RAET1E: variants seen among roughly 807,000 people sequenced by gnomAD.
RAET1E encodes the protein retinoic acid early transcript 1E, also known as NKG2D ligand 4.
A neutral mutation model predicts 21.1 loss-of-function variants in RAET1E; 27 were observed. That is an observed-to-expected ratio of 1.28 (90% CI 0.94 to 1.76). The LOEUF (loss-of-function observed/expected upper bound fraction) is 1.76, where lower values mean the gene tolerates loss of function less well. Among genes scored for constraint, RAET1E ranks in the 40% most tolerant of loss-of-function variants. The probability of loss-of-function intolerance (pLI) is 0.00; values close to 1 mark genes in which losing one functional copy is unlikely to be tolerated. For missense variants in RAET1E, 310 were observed against 311.3 expected (o/e 1.00, Z 0.03); for synonymous variants, 113 against 115.0 (o/e 0.98, Z 0.11).
At position 149,888,107 on chromosome 6, in the gene RAET1E, C is replaced by T. The variant is rs900622994; in HGVS notation, c.*391G>A. The T allele has an allele frequency of 2.1e-6, 1 of 478,638 alleles. No homozygotes were observed. The highest frequency in any genetic ancestry group is 4.1e-6 in the Non-Finnish European group (1 of 242,480). The allele number at this position is 478,638 out of a possible 1,614,324, so 29.6% of individuals were successfully genotyped here. On this transcript the variant is annotated 3_prime_UTR_variant, in exon 6 of 6. Coordinates refer to ENST00000357183, the MANE Select transcript of RAET1E (RefSeq NM_001394057.1). The stretch of plus-strand genomic sequence containing the variant: ...GGTGAAAGGATTTCTTATACCACAT[C>T]TTGTATGTTATCTGGGAGTAAATGC...
In RAET1E at chr6:149,889,503, G is replaced by A. The variant is rs781252773; in HGVS notation, c.467C>T (p.Thr156Ile). 6.2e-7 allele frequency: 1 copy of A among 1,614,138 alleles called. No homozygotes were observed. Among genetic ancestry groups the A allele is most frequent in the Non-Finnish European group, 8.5e-7 (1 of 1,180,040 alleles). Residue 156 changes from threonine to isoleucine, a missense_variant, in exon 5 of 6, where the codon ACC becomes ATC. Physicochemically the swap from Thr to Ile is moderately conservative, Grantham distance 89. Coordinates refer to ENST00000357183, the MANE Select transcript of RAET1E (RefSeq NM_001394057.1). ...KSLLFDAMNM[T>I]WTVINHEASK... ...GGCTTCATGATTAATTACTGTCCAG[G>A]TCATGTTCATTGCGTCAAAGAGGAG...
chr6:149,888,460 T>A lies in RAET1E; in HGVS notation c.*38A>T. 1 of 1,600,248 alleles carries A rather than the reference T, an allele frequency of 6.2e-7. No homozygotes were observed. The highest frequency in any genetic ancestry group is 1.1e-5 in the South Asian group (1 of 90,258). On this transcript the variant is annotated 3_prime_UTR_variant, in exon 6 of 6. Transcript: ENST00000357183. ...ATGGATCAGGGAGCGGGGGCTTGGA[T>A]GAGACCCATGATTCACCTCTCTTGA...
chr6:149,890,376 T>G (rs1346728963), intron 3 of RAET1E, among the ~76,000 whole-genome samples: 3 of 152,104 alleles, frequency 2.0e-5, no homozygotes, highest in Non-Finnish European at 2.9e-5. Flanking sequence ...TTAATGGTGT[T>G]AACAGGAGGA....
rs1778099194 is a variant in RAET1E, at chr6:149,895,982, T to C, written c.-270A>G. On this transcript the variant is annotated 5_prime_UTR_variant, in exon 2 of 6. Transcript: ENST00000357183. ...GAGAGCAGAGACAGACAGCAAGCTCTCCTATCACTTCTTAATCCCACATGG... is the reference window on the plus strand; with the variant it reads ...GAGAGCAGAGACAGACAGCAAGCTCCCCTATCACTTCTTAATCCCACATGG... 1 of 152,252 alleles carries C rather than the reference T, an allele frequency of 6.6e-6. No homozygotes were observed. Among genetic ancestry groups the C allele is most frequent in the East Asian group, 1.9e-4 (1 of 5,196 alleles). 9.4% of individuals were successfully genotyped at this position (152,252 alleles called of 1,614,324 possible).
chr6:149,894,177 T>G (rs1424354897), intron 2 of RAET1E, among the ~76,000 whole-genome samples: 1 of 152,190 alleles, frequency 6.6e-6, no homozygotes, highest in Non-Finnish European at 1.5e-5. Context: ...TCTGCCAGGT[T>G]TTGGTATCAG....
At chr6:149,890,220 G>A in intron 3 of RAET1E, 75 bp from the exon 4 acceptor site, 2 of 1,525,652 alleles carry the variant, frequency 1.3e-6, no homozygotes, top group Non-Finnish European at 1.8e-6. Context: ...TGTGACCCAA[G>A]ACTCCCTGGA....
At chr6:149,891,655 G>T (rs1426333730) in intron 2 of RAET1E, among the ~76,000 whole-genome samples, 1 of 152,154 alleles carries the variant, frequency 6.6e-6, no homozygotes, top group Non-Finnish European at 1.5e-5. Context: ...GGGAGGATGA[G>T]GCAGGAGGAT....
intron 1 of RAET1E, 183 bp from the exon 2 acceptor site, chr6:149,896,215 T>A (rs1057231245): frequency 1.3e-5 from 2 of 152,218 alleles, no homozygotes; most frequent in African/African-American, 4.8e-5. Context: ...ACTCAGATGC[T>A]AGGGCCCTTA....
rs145671691 is a variant in RAET1E at position 149,892,624 on chromosome 6, G to A, written c.-133-1590C>T. ...ATATTAGCCCCTTGTCAGATGGATA[G>A]ATTGCAAAAATCTTCTCCCATTCTG... On this transcript the variant is annotated intron_variant, in intron 2 of 5. Coordinates refer to ENST00000357183, the MANE Select transcript of RAET1E (RefSeq NM_001394057.1). 1.7e-3 allele frequency among the ~76,000 whole-genome samples: 254 copies of A among 152,282 alleles called. 1 individual carries two copies. The highest frequency in any genetic ancestry group is 6.0e-3 in the African/African-American group (249 of 41,554).
Position 149,885,645 on chromosome 6 carries a change from A to G in RAET1E, c.*2853T>C, listed in dbSNP as rs9397420. The G allele has an allele frequency of 0.44, 67,435 of 152,122 alleles. 15,640 individuals are homozygous for G. Among genetic ancestry groups the G allele is most frequent in the East Asian group, 0.88 (4,556 of 5,154 alleles). The allele number at this position is 152,122 out of a possible 1,614,324, so 9.4% of individuals were successfully genotyped here. ...GATTGAGCTGAAGATAGTCACTGACATGATTCAAAGGATTAGCACTTGGTA... is the reference window on the plus strand; with the variant it reads ...GATTGAGCTGAAGATAGTCACTGACGTGATTCAAAGGATTAGCACTTGGTA... On this transcript the variant is annotated 3_prime_UTR_variant, in exon 6 of 6. Coordinates refer to ENST00000357183, the MANE Select transcript of RAET1E (RefSeq NM_001394057.1).
chr6:149,889,460 TG>T lies in RAET1E; in HGVS notation c.509del (p.Thr170AsnfsTer28). 1 of 1,614,246 alleles carries T rather than the reference TG, an allele frequency of 6.2e-7. No individual in the cohort carries two copies. Among genetic ancestry groups the T allele is most frequent in the African/African-American group, 1.3e-5 (1 of 75,068 alleles). ...TTTCCAGCCCTCTGTCTTTCTTCCA[TG>T]TCTCCTTGATCTTACTGGCTTCATG... ...INHEASKIKE[T>X]WKKDRGLEKY... On this transcript the variant is annotated frameshift_variant, in exon 5 of 6. Coordinates refer to ENST00000357183, the MANE Select transcript of RAET1E (RefSeq NM_001394057.1). LOFTEE classifies it high-confidence loss of function.
chr6:149,887,821 GAAGA>G lies in RAET1E; in HGVS notation c.*673_*676del, dbSNP rs549042525. ...CACTATGAGGACAAAGACAGCAATG[GAAGA>G]AAGAAATGAATTCTTCATGTCAGAG... On this transcript the variant is annotated 3_prime_UTR_variant, in exon 6 of 6. Transcript: ENST00000357183. Among the ~76,000 whole-genome samples the G allele has an allele frequency of 8.2e-4, 125 of 152,276 alleles. No individual in the cohort carries two copies. The highest frequency in any genetic ancestry group is 2.8e-3 in the African/African-American group (115 of 41,556).
At position 149,890,012 on chromosome 6, in the gene RAET1E, A is replaced by G. The variant is rs138042224; in HGVS notation, c.219T>C (p.Pro73=). The change falls in exon 4 of 6, where the codon CCT becomes CCC. Residue 73 remains proline (P), a synonymous_variant. Transcript: ENST00000357183. ...QYNSDNNMVK[P]LGLLGKKVYA... is the part of the protein sequence containing the mutation. ...ATACCTTCTTCCCCAGGAGGCCCAGAGGTTTGACCATGTTGTTGTCACTGT... is the reference window on the plus strand; with the variant it reads ...ATACCTTCTTCCCCAGGAGGCCCAGGGGTTTGACCATGTTGTTGTCACTGT... The G allele has an allele frequency of 6.2e-7, 1 of 1,614,148 alleles. No homozygotes were observed.
Position 149,891,030 on chromosome 6 carries a change from C to G in RAET1E, c.-129G>C, listed in dbSNP as rs1777871647. ...TTCTTTACCCTGGAACAACTGAGGT[C>G]AGGCCTGTAGAGACCCAATTAAAGA... On this transcript the variant is annotated 5_prime_UTR_variant, in exon 3 of 6. Transcript: ENST00000357183. 1.4e-6 allele frequency: 1 copy of G among 691,322 alleles called. No individual in the cohort carries two copies. Among genetic ancestry groups the G allele is most frequent in the Admixed American group, 2.1e-5 (1 of 48,012 alleles). The allele number at this position is 691,322 out of a possible 1,614,324, so 42.8% of individuals were successfully genotyped here. A position where few individuals can be genotyped will look rare whatever the true frequency, so the allele number is the denominator to read the frequency against.
At position 149,894,740 on chromosome 6, in the gene RAET1E, G is replaced by C. The variant is rs148547097; in HGVS notation, c.-134+1106C>G. Among the ~76,000 whole-genome samples the C allele has an allele frequency of 1.9e-3, 282 of 152,196 alleles. 1 individual carries two copies. Among genetic ancestry groups the C allele is most frequent in the African/African-American group, 6.6e-3 (276 of 41,542 alleles). On this transcript the variant is annotated intron_variant, in intron 2 of 5. Coordinates refer to ENST00000357183, the MANE Select transcript of RAET1E (RefSeq NM_001394057.1). ...GAACATGCTCCTTTAGCTTGGAGTT[G>C]TTTGTTATTATTCACCTTCTGAAGG...
chr6:149,888,669 T>TAAAAAAAAAA lies in RAET1E; in HGVS notation c.623-12_623-3dup, dbSNP rs3036672. The TAAAAAAAAAA allele has an allele frequency of 3.1e-4, 421 of 1,338,488 alleles. 3 individuals are homozygous for TAAAAAAAAAA. The highest frequency in any genetic ancestry group is 1.3e-3 in the Admixed American group (36 of 26,800). The allele number at this position is 1,338,488 out of a possible 1,614,324, so 82.9% of individuals were successfully genotyped here. On this transcript the variant is annotated splice_polypyrimidine_tract_variant and splice_region_variant and intron_variant, in intron 5 of 5. Transcript: ENST00000357183. ...TATCTGAAGCATTTACTGGTGACAC[T>TAAAAAAAAAA]AAAAAAAAAAAAAAAAAGAAAAAAA...
rs1302383792 is a variant in RAET1E, at chr6:149,891,036, T to C, written c.-133-2A>G. Reference sequence around the variant, plus strand: ...ACCCTGGAACAACTGAGGTCAGGCCTGTAGAGACCCAATTAAAGAACAATT... The same window carrying C: ...ACCCTGGAACAACTGAGGTCAGGCCCGTAGAGACCCAATTAAAGAACAATT... On this transcript the variant is annotated splice_acceptor_variant, in intron 2 of 5. Transcript: ENST00000357183. LOFTEE classifies it low-confidence loss of function (5UTR_SPLICE). 5 of 609,172 alleles carry C rather than the reference T, an allele frequency of 8.2e-6. No individual in the cohort carries two copies. Among genetic ancestry groups the C allele is most frequent in the Non-Finnish European group, 1.5e-5 (5 of 335,084 alleles). The allele number at this position is 609,172 out of a possible 1,614,324, so 37.7% of individuals were successfully genotyped here.
chr6:149,886,665 G>A lies in RAET1E; in HGVS notation c.*1833C>T, dbSNP rs1024933616. 6.6e-6 allele frequency among the ~76,000 whole-genome samples: 1 copy of A among 152,192 alleles called. No individual in the cohort carries two copies. The highest frequency in any genetic ancestry group is 1.9e-4 in the East Asian group (1 of 5,194). ...CCAACTTGGCCTCCCAAAGTGCTGGGATTACAGGAGTGAGCTATCACGCCC... is the reference window on the plus strand; with the variant it reads ...CCAACTTGGCCTCCCAAAGTGCTGGAATTACAGGAGTGAGCTATCACGCCC... On this transcript the variant is annotated 3_prime_UTR_variant, in exon 6 of 6. Transcript: ENST00000357183.
At chr6:149,892,304 A>G (rs912208172) in intron 2 of RAET1E, among the ~76,000 whole-genome samples, 3 of 152,088 alleles carry the variant, frequency 2.0e-5, no homozygotes, top group Non-Finnish European at 2.9e-5. Context: ...CAATGTTTGA[A>G]CTAATCTACA....
Sources: allele counts gnomAD v4.1 joint callset (sites outside exome capture counted in the v4.1 genomes callset), GRCh38; gene constraint gnomAD v4.1.1; transcripts MANE v1.5; gene names NCBI Gene and HGNC (gene_info 2026-07-23, HGNC 2026-07-21).